The following CAMK2D variants were observed in gnomAD, a reference collection of about 807,000 sequenced individuals.
The protein encoded by CAMK2D is calcium/calmodulin-dependent protein kinase type II subunit delta.
Under a neutral mutation model 84.0 loss-of-function variants are expected in CAMK2D, and 37 were observed. That is an observed-to-expected ratio of 0.44 (90% confidence interval 0.34 to 0.58). The LOEUF (loss-of-function observed/expected upper bound fraction) is 0.58. Among genes scored for constraint, CAMK2D ranks in the 20% least tolerant of loss-of-function variants. CAMK2D has a pLI of 0.02. For missense variants in CAMK2D, 448 were observed against 652.5 expected (o/e 0.69, Z 3.41); for synonymous variants, 202 against 212.5 (o/e 0.95, Z 0.43).
intron 3 of CAMK2D, among the ~76,000 whole-genome samples, chr4:113,624,777 G>C (rs967143565): frequency 1.3e-5 from 2 of 152,118 alleles, no homozygotes; most frequent in African/African-American, 4.8e-5. Context: ...AATCATCTCT[G>C]GTGAATGATA....
At chr4:113,675,917 T>C (rs1220391879) in intron 2 of CAMK2D, among the ~76,000 whole-genome samples, 1 of 152,250 alleles carries the variant, frequency 6.6e-6, no homozygotes, top group East Asian at 1.9e-4. Context: ...ACAATTCCTA[T>C]CATCTTGAAA....
At chr4:113,744,515 A>C (rs2099600071) in intron 2 of CAMK2D, among the ~76,000 whole-genome samples, 1 of 152,006 alleles carries the variant, frequency 6.6e-6, no homozygotes, top group Admixed American at 6.6e-5. Context: ...CATTTATCCT[A>C]AACTAGCCCT....
rs543467936 is a variant in CAMK2D at position 113,705,314 on chromosome 4, G to A, written c.161-43542C>T. On this transcript the variant is annotated intron_variant, in intron 2 of 20. Transcript: ENST00000511664. ...TGCACTTCAGCCTGGGGGACAAAGTGAGACTCCATCTCAAAAAAAAAAAAA... is the reference window on the plus strand; with the variant it reads ...TGCACTTCAGCCTGGGGGACAAAGTAAGACTCCATCTCAAAAAAAAAAAAA... Among the ~76,000 whole-genome samples, 207 of 139,596 alleles carry A rather than the reference G, an allele frequency of 1.5e-3. 1 individual carries two copies. Among genetic ancestry groups the A allele is most frequent in the African/African-American group, 5.7e-3 (202 of 35,152 alleles). The allele number at this position is 139,596 out of a possible 152,430, so 91.6% of individuals were successfully genotyped here.
intron 4 of CAMK2D, among the ~76,000 whole-genome samples, chr4:113,584,932 T>C (rs770675222): frequency 9.2e-5 from 14 of 152,198 alleles, no homozygotes; most frequent in Non-Finnish European, 2.1e-4. Context: ...GGCTCACTCA[T>C]ATTCACAGAT....
intron 2 of CAMK2D, among the ~76,000 whole-genome samples, chr4:113,720,375 C>CAA (rs2099526848): frequency 1.3e-5 from 2 of 151,362 alleles, no homozygotes; most frequent in Admixed American, 6.6e-5. Flanking sequence ...CTCACACACA[C>CAA]ACACACACAC....
At chr4:113,742,168 T>A (rs1254380270) in intron 2 of CAMK2D, among the ~76,000 whole-genome samples, 2 of 152,004 alleles carry the variant, frequency 1.3e-5, no homozygotes, top group Non-Finnish European at 2.9e-5. Flanking sequence ...AATAGATGAG[T>A]AAATGAATGA....
intron 6 of CAMK2D, among the ~76,000 whole-genome samples, chr4:113,542,310 G>A (rs2098535370): frequency 6.6e-6 from 1 of 152,156 alleles, no homozygotes; most frequent in African/African-American, 2.4e-5. Context: ...CAGATGATGT[G>A]TTCCTTAAAC....
intron 4 of CAMK2D, among the ~76,000 whole-genome samples, chr4:113,563,644 G>A (rs1333241975): frequency 2.0e-5 from 3 of 152,186 alleles, no homozygotes; most frequent in Admixed American, 2.0e-4. Flanking sequence ...TTCTAATACT[G>A]GAGAAGGAAA....
chr4:113,459,671 T>A (rs1001153511), intron 18 of CAMK2D, among the ~76,000 whole-genome samples: 1 of 145,530 alleles, frequency 6.9e-6, no homozygotes, highest in African/African-American at 2.6e-5. Context: ...GGAGTTTCAC[T>A]CTTGTTGCCC....
chr4:113,653,591 A>G (rs1026802193), intron 3 of CAMK2D, among the ~76,000 whole-genome samples: 1 of 152,172 alleles, frequency 6.6e-6, no homozygotes, highest in South Asian at 2.1e-4. Context: ...GATGCCATTG[A>G]AAAAGACTTT....
intron 2 of CAMK2D, chr4:113,679,545 G>GT (rs1252656550): frequency 9.9e-6 from 6 of 604,502 alleles, no homozygotes; most frequent in Non-Finnish European, 1.2e-5. Flanking sequence ...CACAGAAATA[G>GT]TAAGTCATAT....
chr4:113,729,950 C>T (rs73844665), intron 2 of CAMK2D, among the ~76,000 whole-genome samples: 6,925 of 152,218 alleles, frequency 0.045, 532 homozygotes, highest in African/African-American at 0.16. Context: ...AGAAATAAAT[C>T]GCTGCTGTTT....
chr4:113,621,721 G>C (rs2099047174), intron 3 of CAMK2D, among the ~76,000 whole-genome samples: 1 of 152,158 alleles, frequency 6.6e-6, no homozygotes. Flanking sequence ...ACAAATCAAG[G>C]AATGGTGATC....
rs571670943 is a variant in CAMK2D, at chr4:113,549,205, C to CA, written c.342-1490dup. ...ATGAAGTGGCAGGTGAAACAAGGGT[C>CA]AAAAAAAATGGAGGGACACATTTAC... On this transcript the variant is annotated intron_variant, in intron 5 of 20. Transcript: ENST00000511664. Among the ~76,000 whole-genome samples the CA allele has an allele frequency of 2.9e-4, 44 of 151,464 alleles. 2 individuals are homozygous for CA. In the South Asian group the frequency reaches 7.9e-3, roughly 27 times the overall value.
chr4:113,490,042 G>T (rs1290136451), intron 16 of CAMK2D, among the ~76,000 whole-genome samples: 2 of 151,712 alleles, frequency 1.3e-5, no homozygotes, highest in African/African-American at 2.4e-5. Context: ...CTGGATATTA[G>T]CCCTTTGTCA....
chr4:113,584,415 G>T (rs2098824649), intron 4 of CAMK2D, among the ~76,000 whole-genome samples: 1 of 152,198 alleles, frequency 6.6e-6, no homozygotes, highest in South Asian at 2.1e-4. Flanking sequence ...TCACCCCGAT[G>T]ATGAGGAGAG....
chr4:113,695,371 T>C (rs1196780832), intron 2 of CAMK2D, among the ~76,000 whole-genome samples: 2 of 152,134 alleles, frequency 1.3e-5, no homozygotes, highest in African/African-American at 2.4e-5. Context: ...ACTCCTCCCC[T>C]GAATTCTGGA....
At chr4:113,699,839 A>G (rs1225283955) in intron 2 of CAMK2D, among the ~76,000 whole-genome samples, 1 of 152,198 alleles carries the variant, frequency 6.6e-6, no homozygotes, top group Non-Finnish European at 1.5e-5. Context: ...AAATAAATTT[A>G]TGAGCAAAAG....
chr4:113,532,690 A>G (rs943593674), intron 7 of CAMK2D, among the ~76,000 whole-genome samples: 1 of 152,220 alleles, frequency 6.6e-6, no homozygotes, highest in Non-Finnish European at 1.5e-5. Context: ...ATTACATCCA[A>G]TGTTCTTAGT....
Sources: gnomAD v4.1 joint callset for allele counts (sites outside exome capture counted in the v4.1 genomes callset) on GRCh38, gnomAD v4.1.1 for gene constraint, MANE v1.5 for transcripts, NCBI Gene and HGNC (gene_info 2026-07-23, HGNC 2026-07-21) for gene names.